LDLRAD4: variants seen among roughly 807,000 people sequenced by gnomAD.
LDLRAD4 encodes the protein low-density lipoprotein receptor class A domain-containing protein 4.
In LDLRAD4, 5 loss-of-function variants were observed where a neutral mutation model predicts 17.0. That is an observed-to-expected ratio of 0.29 (90% CI 0.15 to 0.62). The LOEUF is 0.62. Ranked by LOEUF, LDLRAD4 falls within the 20% of genes least tolerant of loss-of-function variation. LDLRAD4 has a pLI of 0.84. For missense variants in LDLRAD4, 340 were observed against 424.7 expected (o/e 0.80, Z 1.75); for synonymous variants, 168 against 171.8 (o/e 0.98, Z 0.17).
At chr18:13,502,651 C>A (rs1158895426) in intron 3 of LDLRAD4, among the ~76,000 whole-genome samples, 1 of 152,188 alleles carries the variant, frequency 6.6e-6, no homozygotes, top group East Asian at 1.9e-4. Context: ...CTGCTTCTCA[C>A]CCACTCTCAG....
intron 3 of LDLRAD4, among the ~76,000 whole-genome samples, chr18:13,462,988 C>T (rs1319841232): frequency 6.6e-6 from 1 of 152,150 alleles, no homozygotes; most frequent in African/African-American, 2.4e-5. Context: ...AGGCAGATCC[C>T]GACTGCCAGG....
intron 3 of LDLRAD4, among the ~76,000 whole-genome samples, chr18:13,449,121 A>G (rs1465684026): frequency 3.3e-5 from 5 of 152,240 alleles, no homozygotes; most frequent in African/African-American, 1.2e-4. Context: ...AAAGTAGACA[A>G]TCACTGGAGA....
chr18:13,231,185 T>C (rs1271492125), intron 1 of LDLRAD4, among the ~76,000 whole-genome samples: 1 of 151,950 alleles, frequency 6.6e-6, no homozygotes, highest in African/African-American at 2.4e-5. Context: ...TGTCTATGGG[T>C]GAGGCAAAAG....
chr18:13,533,522 T>C (rs1354760772), intron 3 of LDLRAD4, among the ~76,000 whole-genome samples: 1 of 152,200 alleles, frequency 6.6e-6, no homozygotes, highest in Non-Finnish European at 1.5e-5. Context: ...TTTTTCAGTG[T>C]GCCTGGCAAG....
chr18:13,465,400 A>T (rs1157412195), intron 3 of LDLRAD4, among the ~76,000 whole-genome samples: 1 of 152,226 alleles, frequency 6.6e-6, no homozygotes, highest in African/African-American at 2.4e-5. Flanking sequence ...TTAAAGGCTC[A>T]TATCATGTCA....
At chr18:13,338,972 T>G (rs2082239535) in intron 1 of LDLRAD4, among the ~76,000 whole-genome samples, 1 of 152,186 alleles carries the variant, frequency 6.6e-6, no homozygotes, top group Non-Finnish European at 1.5e-5. Flanking sequence ...ATTTATAAAA[T>G]GTTATGTATT....
At chr18:13,306,137 T>C (rs922385879) in intron 1 of LDLRAD4, among the ~76,000 whole-genome samples, 1 of 152,126 alleles carries the variant, frequency 6.6e-6, no homozygotes, top group East Asian at 1.9e-4. Context: ...ATGAAAGTGG[T>C]CTATTCTGGA....
chr18:13,600,946 A>G (rs780011116), intron 3 of LDLRAD4, among the ~76,000 whole-genome samples: 7 of 152,228 alleles, frequency 4.6e-5, no homozygotes. Flanking sequence ...TGAGAATAAC[A>G]GACTTAATTA....
intron 2 of LDLRAD4, among the ~76,000 whole-genome samples, chr18:13,425,703 C>T (rs1465637741): frequency 1.3e-5 from 2 of 152,190 alleles, no homozygotes; most frequent in African/African-American, 4.8e-5. Context: ...CGTGAGTTTT[C>T]CGTGCTGGGG....
intron 1 of LDLRAD4, among the ~76,000 whole-genome samples, chr18:13,363,412 G>A (rs2083837502): frequency 6.6e-6 from 1 of 151,544 alleles, no homozygotes; most frequent in African/African-American, 2.4e-5. Flanking sequence ...CTTAACGAAG[G>A]TCTTCAGGCT....
At chr18:13,444,389 C>A (rs976263119) in intron 3 of LDLRAD4, among the ~76,000 whole-genome samples, 2 of 152,170 alleles carry the variant, frequency 1.3e-5, no homozygotes, top group South Asian at 2.1e-4. Flanking sequence ...TTAACATTTT[C>A]TTTTCTCTAG....
intron 3 of LDLRAD4, among the ~76,000 whole-genome samples, chr18:13,497,801 G>A (rs1045249423): frequency 1.3e-5 from 2 of 152,240 alleles, no homozygotes; most frequent in Non-Finnish European, 2.9e-5. Flanking sequence ...GGAGTGAGGA[G>A]CCAGCGAAAA....
intron 3 of LDLRAD4, among the ~76,000 whole-genome samples, chr18:13,465,343 T>C (rs373084128): frequency 2.5e-4 from 38 of 152,278 alleles, no homozygotes; most frequent in African/African-American, 9.1e-4. Context: ...GTTCTGTTAG[T>C]ATATTGGTGT....
At chr18:13,228,443 G>A (rs2041916530) in intron 1 of LDLRAD4, among the ~76,000 whole-genome samples, 2 of 152,148 alleles carry the variant, frequency 1.3e-5, no homozygotes, top group African/African-American at 2.4e-5. Flanking sequence ...AGAGCTGACC[G>A]ATTTCTGTCT....
At chr18:13,404,569 G>A (rs533570681) in intron 2 of LDLRAD4, among the ~76,000 whole-genome samples, 6 of 152,204 alleles carry the variant, frequency 3.9e-5, no homozygotes, top group East Asian at 1.9e-4. Flanking sequence ...AGGCCGAGAC[G>A]GGCGGATCAC....
chr18:13,347,528 G>T (rs1168380938), intron 1 of LDLRAD4, among the ~76,000 whole-genome samples: 1 of 152,096 alleles, frequency 6.6e-6, no homozygotes, highest in Non-Finnish European at 1.5e-5. Flanking sequence ...TTCAACTTTG[G>T]TGAATCTGAC....
chr18:13,505,687 G>A (rs3968326), intron 3 of LDLRAD4, among the ~76,000 whole-genome samples: 1 of 21,012 alleles, frequency 4.8e-5, no homozygotes, highest in African/African-American at 9.9e-5. Context: ...GCGTGGTGGT[G>A]GGCACCTGTA....
intron 2 of LDLRAD4, among the ~76,000 whole-genome samples, chr18:13,406,611 A>G (rs1180345001): frequency 1.3e-5 from 2 of 152,148 alleles, no homozygotes; most frequent in African/African-American, 4.8e-5. Context: ...GAGGAGCCTC[A>G]TCATTCTGAC....
intron 1 of LDLRAD4, among the ~76,000 whole-genome samples, chr18:13,248,548 A>G (rs1291075445): frequency 6.6e-6 from 1 of 152,236 alleles, no homozygotes; most frequent in Non-Finnish European, 1.5e-5. Flanking sequence ...CTGCTAAGCT[A>G]CTTTACACCA....
Sources: gnomAD v4.1 joint callset for allele counts (sites outside exome capture counted in the v4.1 genomes callset) on GRCh38, gnomAD v4.1.1 for gene constraint, MANE v1.5 for transcripts, NCBI Gene and HGNC (gene_info 2026-07-23, HGNC 2026-07-21) for gene names.